VPS45: variants seen among roughly 807,000 people sequenced by gnomAD.
VPS45 encodes the protein vacuolar protein sorting-associated protein 45.
In VPS45, 35 loss-of-function variants were observed where a neutral mutation model predicts 75.9. That is an observed-to-expected ratio of 0.46 (90% confidence interval 0.35 to 0.61). The LOEUF is 0.61. Ranked by LOEUF, VPS45 falls within the 20% of genes least tolerant of loss-of-function variation. The pLI is 0.00. For missense variants in VPS45, 559 were observed against 685.9 expected (o/e 0.81, Z 2.07); for synonymous variants, 220 against 238.2 (o/e 0.92, Z 0.70).
chr1:150,144,213 T>G (rs889091982), intron 14 of VPS45, among the ~76,000 whole-genome samples: 7 of 152,088 alleles, frequency 4.6e-5, no homozygotes, highest in Non-Finnish European at 1.0e-4. Flanking sequence ...CCTTCTAAAG[T>G]GCTAGCATTA....
intron 1 of VPS45, 54 bp from the exon 2 acceptor site, chr1:150,068,576 T>G (rs1654852504): frequency 7.1e-7 from 1 of 1,418,264 alleles, no homozygotes; most frequent in Admixed American, 2.5e-5. Flanking sequence ...GATGTGCTAC[T>G]TGTTTTTATT....
At chr1:150,130,149 G>C (rs1179294186) in intron 14 of VPS45, among the ~76,000 whole-genome samples, 1 of 146,060 alleles carries the variant, frequency 6.8e-6, no homozygotes, top group African/African-American at 2.5e-5. Context: ...ATAGGCATGA[G>C]CCACTGTGCC....
chr1:150,089,589 T>C (rs1553801508), intron 10 of VPS45, among the ~76,000 whole-genome samples: 1 of 152,156 alleles, frequency 6.6e-6, no homozygotes, highest in African/African-American at 2.4e-5. Flanking sequence ...CTCGAACTCC[T>C]GACCTCAAGT....
chr1:150,129,551 TAA>T (rs1559941969), intron 14 of VPS45, among the ~76,000 whole-genome samples: 1 of 152,062 alleles, frequency 6.6e-6, no homozygotes, highest in African/African-American at 2.4e-5. Context: ...ACATTTTTTT[TAA>T]TTTTATTTAT....
At position 150,112,705 on chromosome 1, in the gene VPS45, C is replaced by T. The variant is rs115218621; in HGVS notation, c.1625+2078C>T. On this transcript the variant is annotated intron_variant, in intron 14 of 14. Transcript: ENST00000644510. ...AAAAGGGCTTAACCCCACAAGACCA[C>T]CCCTACTTCAGATGCCAGTCACAAG... Among the ~76,000 whole-genome samples, 834 of 152,314 alleles carry T rather than the reference C, an allele frequency of 5.5e-3. 4 individuals are homozygous for T. Among genetic ancestry groups the T allele is most frequent in the African/African-American group, 0.019 (792 of 41,552 alleles).
chr1:150,067,546 T>C, upstream of VPS45: 1 of 342,382 alleles, frequency 2.9e-6, no homozygotes, highest in Admixed American at 4.7e-5. Flanking sequence ...CCGCTGGGCC[T>C]CCAGCACCAA....
chr1:150,113,108 C>T (rs1369269493), intron 14 of VPS45, among the ~76,000 whole-genome samples: 2 of 152,042 alleles, frequency 1.3e-5, no homozygotes, highest in Non-Finnish European at 2.9e-5. Context: ...AACTGTTTTC[C>T]CCACCCTGGA....
Position 150,067,811 on chromosome 1 carries a change from A to C in VPS45, c.-47A>C, listed in dbSNP as rs1654806620. The C allele has an allele frequency of 2.5e-6, 4 of 1,594,572 alleles. No individual in the cohort carries two copies. The highest frequency in any genetic ancestry group is 3.4e-6 in the Non-Finnish European group (4 of 1,163,802). On this transcript the variant is annotated 5_prime_UTR_variant, in exon 1 of 15. Coordinates refer to ENST00000644510, the MANE Select transcript of VPS45 (RefSeq NM_007259.5). The stretch of plus-strand genomic sequence containing the variant: ...CAACAGACTGGGGGTTAATTTAGCC[A>C]GAAAAGGGGGCGGGAAGGGCTGTAG...
rs74127409 is a variant in VPS45 at position 150,076,442 on chromosome 1, C to T, written c.369+130C>T. On this transcript the variant is annotated intron_variant, in intron 4 of 14. Transcript: ENST00000644510. ...TATGAATACTTGAATATGTTTATCA[C>T]ATAAATGAGGAATATTGTTTTCAGA... The T allele has an allele frequency of 7.4e-3, 4,431 of 599,952 alleles. 124 individuals carry two copies. In the African/African-American group the frequency reaches 0.074, roughly 10 times the overall value. 37.2% of individuals were successfully genotyped at this position (599,952 alleles called of 1,614,324 possible). A position where few individuals can be genotyped will look rare whatever the true frequency, so the allele number is the denominator to read the frequency against.
In VPS45 at chr1:150,092,305, G is replaced by A. The variant is rs201002467; in HGVS notation, c.1267G>A (p.Val423Met). Residue 423 changes from valine (V) to methionine (M), a missense_variant, in exon 12 of 15, where the codon GTG (valine) becomes ATG (methionine). Physicochemically the swap from Val to Met is conservative, Grantham distance 21 (BLOSUM62 1). Coordinates refer to ENST00000644510, the MANE Select transcript of VPS45 (RefSeq NM_007259.5). ...KGVSEKYRKL[V>M]SAVVEYGGKR... is the part of the protein sequence containing the mutation. ...ATTTGCTTCTCTTTCTTAATAGCTC[G>A]TGTCTGCAGTTGTTGAATATGGTGG... 7.4e-6 allele frequency: 12 copies of A among 1,613,352 alleles called. No individual in the cohort carries two copies. The highest frequency in any genetic ancestry group is 6.7e-5 in the East Asian group (3 of 44,858).
chr1:150,144,747 G>A lies in VPS45; in HGVS notation c.1664G>A (p.Arg555Gln), dbSNP rs142968690. The change falls in exon 15 of 15, where the codon CGA (arginine) becomes CAA (glutamine). Residue 555 changes from arginine to glutamine, a missense_variant. Coordinates refer to ENST00000644510, the MANE Select transcript of VPS45 (RefSeq NM_007259.5). ...EEVLASGLHS[R>Q]SKESSQVTSR... ...GTTCTGGCTTCTGGACTGCACAGCC[G>A]AAGCAAGGAGAGCTCTCAAGTCACA... The A allele has an allele frequency of 1.8e-4, 297 of 1,614,120 alleles. No homozygotes were observed. Among genetic ancestry groups the A allele is most frequent in the Non-Finnish European group, 2.4e-4 (280 of 1,180,028 alleles).
intron 13 of VPS45, among the ~76,000 whole-genome samples, chr1:150,104,597 T>C (rs1185641550): frequency 6.6e-6 from 1 of 152,130 alleles, no homozygotes; most frequent in Non-Finnish European, 1.5e-5. Context: ...TGAGACAGCA[T>C]CTCATTCTGT....
At position 150,079,943 on chromosome 1, in the gene VPS45, A is replaced by G. The variant is rs1553798910; in HGVS notation, c.688-1399A>G. Among the ~76,000 whole-genome samples, 2 of 152,320 alleles carry G rather than the reference A, an allele frequency of 1.3e-5. 1 individual carries two copies. Among genetic ancestry groups the G allele is most frequent in the Non-Finnish European group, 2.9e-5 (2 of 68,024 alleles). On this transcript the variant is annotated intron_variant, in intron 7 of 14. Coordinates refer to ENST00000644510, the MANE Select transcript of VPS45 (RefSeq NM_007259.5). ...TTCTGTCTCCCAAAGAAAAGCAACT[A>G]TTTATCCCACAGATTTCACTGGGGA...
rs587702513 is a variant in VPS45 at position 150,132,466 on chromosome 1, A to T, written c.1626-12243A>T. Among the ~76,000 whole-genome samples, 4 of 152,368 alleles carry T rather than the reference A, an allele frequency of 2.6e-5. No individual in the cohort carries two copies. The South Asian group carries it at 8.3e-4, about 32-fold the overall frequency. ...CCAATTTTAAAGAGCCATCAATTTGATGCCACTGGAATTATTTAAATAATA... is the reference window on the plus strand; with the variant it reads ...CCAATTTTAAAGAGCCATCAATTTGTTGCCACTGGAATTATTTAAATAATA... On this transcript the variant is annotated intron_variant, in intron 14 of 14. Transcript: ENST00000644510.
intron 14 of VPS45, among the ~76,000 whole-genome samples, chr1:150,119,912 C>T (rs1000716755): frequency 1.1e-4 from 17 of 152,088 alleles, no homozygotes; most frequent in Non-Finnish European, 2.2e-4. Context: ...AGTTCGAGAC[C>T]AGCCTGACCA....
At chr1:150,140,337 C>G (rs74811512) in intron 14 of VPS45, among the ~76,000 whole-genome samples, 3,275 of 151,638 alleles carry the variant, frequency 0.022, 99 homozygotes, top group African/African-American at 0.075. Context: ...GTTAAGAAGA[C>G]AAACTGAAGC....
chr1:150,117,763 G>A (rs1658014751), intron 14 of VPS45, among the ~76,000 whole-genome samples: 1 of 151,786 alleles, frequency 6.6e-6, no homozygotes, highest in African/African-American at 2.4e-5. Context: ...GGAGGCTGAG[G>A]CAGGAGAATC....
intron 14 of VPS45, among the ~76,000 whole-genome samples, chr1:150,125,812 C>T (rs1271316770): frequency 6.6e-6 from 1 of 152,032 alleles, no homozygotes; most frequent in Non-Finnish European, 1.5e-5. Context: ...CTCAGCCTCC[C>T]GAGTAGCTGG....
chr1:150,093,488 T>C, intron 12 of VPS45, 39 bp from the exon 13 acceptor site: 2 of 1,600,258 alleles, frequency 1.2e-6, no homozygotes, highest in Non-Finnish European at 1.7e-6. Context: ...GTTGCCAATT[T>C]CCCAAAAATG....
Sources: allele counts gnomAD v4.1 joint callset (sites outside exome capture counted in the v4.1 genomes callset), GRCh38; gene constraint gnomAD v4.1.1; transcripts MANE v1.5; gene names NCBI Gene and HGNC (gene_info 2026-07-23, HGNC 2026-07-21).